HS2ST1: variants seen among roughly 807,000 people sequenced by gnomAD.
HS2ST1 encodes heparan sulfate 2-O-sulfotransferase 1.
Under a neutral mutation model 42.9 loss-of-function variants are expected in HS2ST1, and 18 were observed. The observed-to-expected ratio is 0.42, with a 90% CI of 0.29 to 0.62. The LOEUF is 0.62. Ranked by LOEUF, HS2ST1 falls within the 20% of genes least tolerant of loss-of-function variation. The pLI, the probability that HS2ST1 is intolerant of heterozygous loss-of-function variation, is 0.21. For synonymous variants in HS2ST1, 146 were observed against 152.9 expected, an observed-to-expected ratio of 0.95 and a Z score of 0.33; for missense variants, 334 against 433.8, an observed-to-expected ratio of 0.77 and a Z score of 2.04.
chr1:87,023,946 C>T (rs1650018108), intron 1 of HS2ST1, among the ~76,000 whole-genome samples: 1 of 151,824 alleles, frequency 6.6e-6, no homozygotes, highest in African/African-American at 2.4e-5. Flanking sequence ...GGAGAAAGGG[C>T]TAACAGGACA....
At chr1:87,039,621 A>G (rs372734671) in intron 1 of HS2ST1, among the ~76,000 whole-genome samples, 5 of 152,298 alleles carry the variant, frequency 3.3e-5, no homozygotes, top group East Asian at 1.9e-4. Context: ...GGTGTCATCC[A>G]TTTATCCTTA....
chr1:87,068,451 T>C (rs991832736), intron 1 of HS2ST1, among the ~76,000 whole-genome samples: 3 of 152,182 alleles, frequency 2.0e-5, no homozygotes, highest in African/African-American at 7.2e-5. Flanking sequence ...CTTAAGGAGA[T>C]TTTGGGCTGA....
intron 1 of HS2ST1, among the ~76,000 whole-genome samples, chr1:86,969,394 G>A (rs1414214951): frequency 6.6e-6 from 1 of 152,140 alleles, no homozygotes; most frequent in Admixed American, 6.5e-5. Flanking sequence ...ATAAACGTGT[G>A]TGTGTGTGTG....
chr1:87,066,158 C>G (rs906296015), intron 1 of HS2ST1, among the ~76,000 whole-genome samples: 1 of 152,104 alleles, frequency 6.6e-6, no homozygotes, highest in African/African-American at 2.4e-5. Flanking sequence ...TAAATAAAGT[C>G]TTTAAGGGCC....
chr1:87,074,461 G>C (rs1651491575), intron 2 of HS2ST1, among the ~76,000 whole-genome samples: 1 of 152,176 alleles, frequency 6.6e-6, no homozygotes. Context: ...GATTTATTCA[G>C]TAGTACTTTT....
intron 1 of HS2ST1, among the ~76,000 whole-genome samples, chr1:87,031,014 A>T (rs556514281): frequency 6.6e-6 from 1 of 152,204 alleles, no homozygotes; most frequent in Non-Finnish European, 1.5e-5. Context: ...ATCTCAGCTC[A>T]CTGAAGCCTT....
chr1:87,032,639 C>T (rs896121627), intron 1 of HS2ST1, among the ~76,000 whole-genome samples: 2 of 152,120 alleles, frequency 1.3e-5, no homozygotes, highest in African/African-American at 4.8e-5. Context: ...TCTTTACTAT[C>T]AGAGATTAAT....
At chr1:87,061,153 G>T (rs1651110995) in intron 1 of HS2ST1, among the ~76,000 whole-genome samples, 2 of 152,012 alleles carry the variant, frequency 1.3e-5, no homozygotes, top group Admixed American at 6.5e-5. Flanking sequence ...GAGAATAAAT[G>T]ACTAATTTAT....
At chr1:86,949,101 T>A (rs1647425281) in intron 1 of HS2ST1, among the ~76,000 whole-genome samples, 1 of 152,150 alleles carries the variant, frequency 6.6e-6, no homozygotes, top group Admixed American at 6.6e-5. Flanking sequence ...TGATAAAAAA[T>A]TTATTTTATT....
chr1:86,951,049 A>G (rs972783830), intron 1 of HS2ST1, among the ~76,000 whole-genome samples: 1 of 152,344 alleles, frequency 6.6e-6, no homozygotes, highest in Admixed American at 6.5e-5. Flanking sequence ...AAGGAAACAC[A>G]TAAGTAATAC....
chr1:86,970,916 A>G (rs1648214513), intron 1 of HS2ST1, among the ~76,000 whole-genome samples: 2 of 152,178 alleles, frequency 1.3e-5, no homozygotes, highest in Admixed American at 1.3e-4. Context: ...ATTTATATAT[A>G]TAATAGATGC....
At chr1:86,955,689 C>G (rs940856154) in intron 1 of HS2ST1, among the ~76,000 whole-genome samples, 19 of 151,938 alleles carry the variant, frequency 1.3e-4, no homozygotes, top group Non-Finnish European at 2.2e-4. Context: ...GAAATAAAAA[C>G]AAAAACAAAA....
intron 1 of HS2ST1, among the ~76,000 whole-genome samples, chr1:87,034,845 CA>C (rs1570500694): frequency 6.6e-6 from 1 of 152,130 alleles, no homozygotes; most frequent in East Asian, 1.9e-4. Flanking sequence ...GTGATTATGT[CA>C]CTTTATATGG....
At chr1:86,941,499 C>G (rs1660762037) in intron 1 of HS2ST1, among the ~76,000 whole-genome samples, 1 of 151,970 alleles carries the variant, frequency 6.6e-6, no homozygotes, top group Non-Finnish European at 1.5e-5. Flanking sequence ...CAGCCGGGCA[C>G]CGTGGCTCAC....
intron 1 of HS2ST1, among the ~76,000 whole-genome samples, chr1:86,954,878 C>G (rs1647633707): frequency 1.3e-5 from 2 of 152,134 alleles, no homozygotes; most frequent in African/African-American, 2.4e-5. Flanking sequence ...CTGAAATCCA[C>G]TTGAGCCCAG....
intron 1 of HS2ST1, among the ~76,000 whole-genome samples, chr1:86,919,082 T>A (rs897771506): frequency 1.3e-5 from 2 of 151,956 alleles, no homozygotes; most frequent in Non-Finnish European, 2.9e-5. Context: ...GTAGCGGGGA[T>A]TGCAGGTACG....
At chr1:86,938,818 T>C (rs1303603432) in intron 1 of HS2ST1, among the ~76,000 whole-genome samples, 3 of 152,194 alleles carry the variant, frequency 2.0e-5, no homozygotes, top group Admixed American at 2.0e-4. Context: ...GATGGATTAA[T>C]TGATTCTTAG....
intron 2 of HS2ST1, among the ~76,000 whole-genome samples, chr1:87,074,203 C>T (rs77589433): frequency 5.9e-5 from 9 of 152,060 alleles, no homozygotes; most frequent in African/African-American, 2.2e-4. Context: ...TTTTGTAGAA[C>T]CAAAATTCCA....
chr1:87,031,996 A>G (rs1650251797), intron 1 of HS2ST1, among the ~76,000 whole-genome samples: 1 of 152,192 alleles, frequency 6.6e-6, no homozygotes, highest in African/African-American at 2.4e-5. Context: ...TATTGTTGCA[A>G]GAGATAATTG....
Sources: allele counts gnomAD v4.1 joint callset (sites outside exome capture counted in the v4.1 genomes callset), GRCh38; gene constraint gnomAD v4.1.1; transcripts MANE v1.5; gene names NCBI Gene and HGNC (gene_info 2026-07-23, HGNC 2026-07-21).